Variants in NSMAF observed in about 807,000 individuals in gnomAD.
NSMAF encodes the protein neutral sphingomyelinase activation associated factor, also known as protein FAN.
NSMAF carries 90 observed loss-of-function variants against 134.9 expected under a neutral mutation model. The observed-to-expected ratio is 0.67, with a 90% CI of 0.56 to 0.79. The LOEUF is 0.79. Ranked by LOEUF, NSMAF falls within the 30% of genes least tolerant of loss-of-function variation. The probability of loss-of-function intolerance (pLI) is 0.00; values close to 1 mark genes in which losing one functional copy is unlikely to be tolerated. For synonymous variants in NSMAF, 358 were observed against 389.6 expected (o/e 0.92, Z 0.96); for missense variants, 1,010 against 1,119.0 (o/e 0.90, Z 1.39).
At chr8:58,653,620 G>A (rs571549834) in intron 1 of NSMAF, among the ~76,000 whole-genome samples, 2 of 151,780 alleles carry the variant, frequency 1.3e-5, no homozygotes, top group Middle Eastern at 3.4e-3. Context: ...TCACCAAGAA[G>A]ATAACAATTC....
intron 1 of NSMAF, among the ~76,000 whole-genome samples, chr8:58,652,654 G>T (rs1335682130): frequency 6.6e-6 from 1 of 152,164 alleles, no homozygotes; most frequent in Non-Finnish European, 1.5e-5. Context: ...GGGGGACAAG[G>T]CACAACTATC....
chr8:58,659,107 G>A (rs1358698219), intron 1 of NSMAF: 5 of 1,071,708 alleles, frequency 4.7e-6, no homozygotes, highest in Non-Finnish European at 6.1e-6. Flanking sequence ...GCCGCCCGGC[G>A]ACCAACTCTG....
chr8:58,659,317 T>A, intron 1 of NSMAF: 2 of 1,527,060 alleles, frequency 1.3e-6, no homozygotes, highest in Non-Finnish European at 8.8e-7. Context: ...ATGCCTCGGC[T>A]CCGCGGTGGA....
chr8:58,641,326 A>G (rs1318850385), intron 2 of NSMAF, among the ~76,000 whole-genome samples: 1 of 152,218 alleles, frequency 6.6e-6, no homozygotes, highest in Non-Finnish European at 1.5e-5. Flanking sequence ...AAATGTTTAT[A>G]TGGTTCCAAA....
chr8:58,654,122 A>G (rs1283678711), intron 1 of NSMAF, among the ~76,000 whole-genome samples: 1 of 152,180 alleles, frequency 6.6e-6, no homozygotes, highest in Non-Finnish European at 1.5e-5. Context: ...TCCTGACTTT[A>G]TCTCCACTGA....
intron 9 of NSMAF, among the ~76,000 whole-genome samples, chr8:58,612,158 G>A (rs1806542934): frequency 6.6e-6 from 1 of 152,172 alleles, no homozygotes; most frequent in Admixed American, 6.5e-5. Flanking sequence ...ATGGGATCCT[G>A]GATGGGTGCT....
At chr8:58,630,264 G>A (rs1481689012) in intron 6 of NSMAF, among the ~76,000 whole-genome samples, 1 of 152,024 alleles carries the variant, frequency 6.6e-6, no homozygotes, top group East Asian at 1.9e-4. Context: ...CAGGAGGAAG[G>A]AGGGGCTAGA....
At chr8:58,655,976 T>TA (rs930074004) in intron 1 of NSMAF, among the ~76,000 whole-genome samples, 57 of 152,166 alleles carry the variant, frequency 3.7e-4, no homozygotes, top group Non-Finnish European at 4.7e-4. Flanking sequence ...AGGACATTTT[T>TA]AAAAAACAAT....
At chr8:58,657,637 G>A (rs1807749078) in intron 1 of NSMAF, among the ~76,000 whole-genome samples, 1 of 152,332 alleles carries the variant, frequency 6.6e-6, no homozygotes, top group Admixed American at 6.5e-5. Context: ...ACAGATTCCT[G>A]TCATTCAAAT....
chr8:58,598,504 A>G (rs1000558921), intron 19 of NSMAF, among the ~76,000 whole-genome samples: 7 of 43,628 alleles, frequency 1.6e-4, no homozygotes, highest in Admixed American at 8.1e-4. Flanking sequence ...AAAAAAAAAA[A>G]AAAAAAAGAA....
Position 58,590,981 on chromosome 8 carries a change from A to G in NSMAF, c.1952-47T>C, listed in dbSNP as rs968326789. ...GATATATAAGAAAGATTTCCTAACC[A>G]TTACAGACGTCAAAGAACAGCTGCT... On this transcript the variant is annotated intron_variant, in intron 23 of 30. Transcript: ENST00000038176. 3 of 1,530,908 alleles carry G rather than the reference A, an allele frequency of 2.0e-6. No homozygotes were observed. In the African/African-American group the frequency reaches 4.1e-5, roughly 21 times the overall value. 94.8% of individuals were successfully genotyped at this position (1,530,908 alleles called of 1,614,324 possible).
intron 1 of NSMAF, among the ~76,000 whole-genome samples, chr8:58,656,207 T>C (rs928713906): frequency 2.0e-5 from 3 of 151,722 alleles, no homozygotes; most frequent in African/African-American, 7.2e-5. Context: ...TTATTAGAGA[T>C]TGGCCAGGCT....
chr8:58,655,509 CCCA>C (rs1807685373), intron 1 of NSMAF, among the ~76,000 whole-genome samples: 1 of 151,580 alleles, frequency 6.6e-6, no homozygotes, highest in African/African-American at 2.4e-5. Flanking sequence ...GAGTGATCTT[CCCA>C]CCTTTTAATA....
At chr8:58,619,741 T>A (rs1466751893) in intron 9 of NSMAF, among the ~76,000 whole-genome samples, 1 of 152,138 alleles carries the variant, frequency 6.6e-6, no homozygotes, top group Non-Finnish European at 1.5e-5. Flanking sequence ...GAAAGACCTT[T>A]ATGAAGAAAA....
intron 9 of NSMAF, among the ~76,000 whole-genome samples, chr8:58,612,030 A>C (rs2129142727): frequency 6.6e-6 from 1 of 152,304 alleles, no homozygotes; most frequent in South Asian, 2.1e-4. Context: ...CAGAGGTGTT[A>C]GGTCCATCTT....
chr8:58,611,868 G>A (rs1212736195), intron 9 of NSMAF, among the ~76,000 whole-genome samples: 2 of 152,118 alleles, frequency 1.3e-5, no homozygotes, highest in Admixed American at 1.3e-4. Context: ...AGGAAATGGA[G>A]AAGAGAATGG....
intron 19 of NSMAF, among the ~76,000 whole-genome samples, chr8:58,598,779 T>C (rs1806201813): frequency 6.6e-6 from 1 of 152,094 alleles, no homozygotes; most frequent in Non-Finnish European, 1.5e-5. Flanking sequence ...TCCCAGCACT[T>C]TGGGAGGCCG....
intron 1 of NSMAF, among the ~76,000 whole-genome samples, chr8:58,645,204 A>G (rs77754084): frequency 0.027 from 4,106 of 152,172 alleles, 202 homozygotes; most frequent in African/African-American, 0.093. Flanking sequence ...TGAGGGCAGT[A>G]GCCCCCAATT....
chr8:58,633,279 C>T (rs563032061), intron 5 of NSMAF, among the ~76,000 whole-genome samples: 1 of 152,184 alleles, frequency 6.6e-6, no homozygotes, highest in Non-Finnish European at 1.5e-5. Flanking sequence ...CCTGTGCCTC[C>T]CACCTGTCAA....
Sources: allele counts gnomAD v4.1 joint callset (sites outside exome capture counted in the v4.1 genomes callset), GRCh38; gene constraint gnomAD v4.1.1; transcripts MANE v1.5; gene names NCBI Gene and HGNC (gene_info 2026-07-23, HGNC 2026-07-21).